The following SH3GL2 variants were observed in gnomAD, a reference collection of about 807,000 sequenced individuals.
SH3GL2 encodes endophilin-A1.
A neutral mutation model predicts 46.0 loss-of-function variants in SH3GL2; 24 were observed. The ratio of observed to expected loss-of-function variants is 0.52; its 90% CI spans 0.38 to 0.73. SH3GL2 has a LOEUF of 0.73. SH3GL2 is among the 30% of genes least tolerant of loss of function. SH3GL2 has a pLI of 0.00. For missense variants in SH3GL2, 413 were observed against 424.2 expected (o/e 0.97, Z 0.23); for synonymous variants, 196 against 147.1 (o/e 1.33, Z -2.40).
At chr9:17,741,769 T>TA (rs1287169778) in intron 1 of SH3GL2, among the ~76,000 whole-genome samples, 1 of 152,222 alleles carries the variant, frequency 6.6e-6, no homozygotes, top group Admixed American at 6.5e-5. Flanking sequence ...ATTAACAGCT[T>TA]ACAATTCATA....
intron 1 of SH3GL2, among the ~76,000 whole-genome samples, chr9:17,611,412 G>A (rs924285423): frequency 9.9e-5 from 15 of 152,042 alleles, no homozygotes; most frequent in African/African-American, 3.6e-4. Context: ...ACTTATCCTT[G>A]GGGCATTACA....
chr9:17,720,193 T>C (rs939029768), intron 1 of SH3GL2, among the ~76,000 whole-genome samples: 2 of 152,104 alleles, frequency 1.3e-5, no homozygotes, highest in Non-Finnish European at 2.9e-5. Context: ...GTCAAAGAAG[T>C]TGTCCCAAAA....
At chr9:17,693,901 G>A (rs1391858612) in intron 1 of SH3GL2, among the ~76,000 whole-genome samples, 1 of 152,142 alleles carries the variant, frequency 6.6e-6, no homozygotes, top group African/African-American at 2.4e-5. Flanking sequence ...AATTTCTATT[G>A]ATAAAAGAAT....
chr9:17,774,733 G>C (rs1227257828), intron 3 of SH3GL2, among the ~76,000 whole-genome samples: 2 of 152,116 alleles, frequency 1.3e-5, no homozygotes, highest in Non-Finnish European at 2.9e-5. Context: ...ATGATCGTAA[G>C]AGATATTGGT....
At chr9:17,704,885 C>A (rs1046222056) in intron 1 of SH3GL2, among the ~76,000 whole-genome samples, 1 of 152,118 alleles carries the variant, frequency 6.6e-6, no homozygotes, top group East Asian at 1.9e-4. Context: ...GCAAAGATTT[C>A]ATGACGAAAA....
chr9:17,582,666 A>G (rs1172606463), intron 1 of SH3GL2, among the ~76,000 whole-genome samples: 1 of 152,242 alleles, frequency 6.6e-6, no homozygotes, highest in Non-Finnish European at 1.5e-5. Context: ...TGCTGTAACA[A>G]AGTACTACAA....
At chr9:17,725,314 T>A (rs1487099491) in intron 1 of SH3GL2, among the ~76,000 whole-genome samples, 1 of 152,216 alleles carries the variant, frequency 6.6e-6, no homozygotes, top group East Asian at 1.9e-4. Flanking sequence ...TAGCCTTCTT[T>A]GTCTCTAGGG....
intron 1 of SH3GL2, among the ~76,000 whole-genome samples, chr9:17,726,534 A>G (rs1822024903): frequency 6.6e-6 from 1 of 152,148 alleles, no homozygotes; most frequent in Non-Finnish European, 1.5e-5. Flanking sequence ...GCATAATCAT[A>G]GTGAGCTCGA....
intron 1 of SH3GL2, among the ~76,000 whole-genome samples, chr9:17,615,560 C>G (rs1023988394): frequency 1.3e-5 from 2 of 148,192 alleles, no homozygotes; most frequent in African/African-American, 5.0e-5. Flanking sequence ...GAAGCTGAGG[C>G]AGGAGAAGTT....
intron 1 of SH3GL2, among the ~76,000 whole-genome samples, chr9:17,743,569 AACACACACACACACAC>A (rs58408701): frequency 7.0e-6 from 1 of 143,588 alleles, no homozygotes; most frequent in Admixed American, 6.9e-5. Flanking sequence ...CTCTTTTGTG[AACACACACACACACAC>A]ACACACACAC....
At chr9:17,735,439 G>A (rs761664964) in intron 1 of SH3GL2, among the ~76,000 whole-genome samples, 1 of 152,148 alleles carries the variant, frequency 6.6e-6, no homozygotes, top group South Asian at 2.1e-4. Context: ...TTGTATTTAT[G>A]TAAGAGTATG....
At chr9:17,773,061 T>C (rs1319680621) in intron 3 of SH3GL2, among the ~76,000 whole-genome samples, 1 of 152,206 alleles carries the variant, frequency 6.6e-6, no homozygotes, top group Non-Finnish European at 1.5e-5. Context: ...ATTGTAGTTT[T>C]GATTTGTAAT....
At chr9:17,661,666 C>A (rs967159591) in intron 1 of SH3GL2, among the ~76,000 whole-genome samples, 1 of 152,006 alleles carries the variant, frequency 6.6e-6, no homozygotes, top group Admixed American at 6.5e-5. Context: ...ACAAAACATG[C>A]CCTTGGGGTA....
In SH3GL2 at chr9:17,598,084, G is replaced by C. The variant is rs371188082; in HGVS notation, c.45+18797G>C. ...AACAATGCTAGGGCACTCTCACGTG[G>C]AGGTCATACCTGACATTCTGTTGTG... is the stretch of plus-strand genomic sequence containing the variant. On this transcript the variant is annotated intron_variant, in intron 1 of 8. Transcript: ENST00000380607. 5.3e-5 allele frequency among the ~76,000 whole-genome samples: 8 copies of C among 152,296 alleles called. No individual in the cohort carries two copies. The East Asian group carries it at 1.2e-3, about 22-fold the overall frequency.
At chr9:17,756,201 A>G (rs1822983848) in intron 2 of SH3GL2, among the ~76,000 whole-genome samples, 1 of 152,242 alleles carries the variant, frequency 6.6e-6, no homozygotes, top group African/African-American at 2.4e-5. Flanking sequence ...TTTGTGCAGT[A>G]AAATAGTAGT....
At position 17,652,777 on chromosome 9, in the gene SH3GL2, T is replaced by G. The variant is rs564090185; in HGVS notation, c.45+73490T>G. ...ATTATTAATTGATTTAAATTTTCTA[T>G]CAGTTGCTATGGGAAACATACTGAA... is the stretch of plus-strand genomic sequence containing the variant. On this transcript the variant is annotated intron_variant, in intron 1 of 8. Coordinates refer to ENST00000380607, the MANE Select transcript of SH3GL2 (RefSeq NM_003026.5). 5.4e-4 allele frequency among the ~76,000 whole-genome samples: 82 copies of G among 152,326 alleles called. 2 individuals are homozygous for G. The South Asian group carries it at 0.016, about 30-fold the overall frequency.
chr9:17,767,332 T>C, intron 3 of SH3GL2, among the ~76,000 whole-genome samples: 1 of 152,234 alleles, frequency 6.6e-6, no homozygotes, highest in Non-Finnish European at 1.5e-5. Context: ...GCTAGCTGTA[T>C]TAGTTTCAAA....
At position 17,796,630 on chromosome 9, in the gene SH3GL2, A is replaced by G. The variant is rs1013860037; in HGVS notation, c.*887A>G. The G allele has an allele frequency of 3.9e-5, 6 of 152,612 alleles. No homozygotes were observed. The highest frequency in any genetic ancestry group is 1.2e-4 in the African/African-American group (5 of 41,462). The allele number at this position is 152,612 out of a possible 1,614,324, so 9.5% of individuals were successfully genotyped here. A position where few individuals can be genotyped will look rare whatever the true frequency, so the allele number is the denominator to read the frequency against. On this transcript the variant is annotated 3_prime_UTR_variant, in exon 9 of 9. Transcript: ENST00000380607. ...TGAATCCATTTGGCACAGAGACACA[A>G]GGAAGAAAACACTAGTAACCATCTT...
intron 3 of SH3GL2, among the ~76,000 whole-genome samples, chr9:17,770,954 C>A (rs1823462544): frequency 6.6e-6 from 1 of 152,196 alleles, no homozygotes; most frequent in Non-Finnish European, 1.5e-5. Flanking sequence ...TGTTTGCAGC[C>A]TGGCGAGACC....
Sources: allele counts gnomAD v4.1 joint callset (sites outside exome capture counted in the v4.1 genomes callset), GRCh38; gene constraint gnomAD v4.1.1; transcripts MANE v1.5; gene names NCBI Gene and HGNC (gene_info 2026-07-23, HGNC 2026-07-21).